The following MICAL2 variants were observed in gnomAD, a reference collection of about 807,000 sequenced individuals.
The protein encoded by MICAL2 is [F-actin]-monooxygenase MICAL2.
Under a neutral mutation model 127.3 loss-of-function variants are expected in MICAL2, and 77 were observed. That is an observed-to-expected ratio of 0.60 (90% CI 0.50 to 0.73). The LOEUF is 0.73. Among genes scored for constraint, MICAL2 ranks in the 30% least tolerant of loss-of-function variants. The probability of loss-of-function intolerance (pLI) is 0.00; values close to 1 mark genes in which losing one functional copy is unlikely to be tolerated. For synonymous variants in MICAL2, 570 were observed against 551.1 expected (o/e 1.03, Z -0.48); for missense variants, 1,351 against 1,434.4 (o/e 0.94, Z 0.94).
chr11:12,223,310 A>G (rs1857037417), intron 11 of MICAL2, 101 bp from the exon 12 acceptor site: 4 of 1,013,908 alleles, frequency 3.9e-6, no homozygotes, highest in South Asian at 2.8e-5. Context: ...AGTAGAGGAA[A>G]ATGGTGGCAG....
At chr11:12,142,327 A>G (rs1016360013) in intron 2 of MICAL2, among the ~76,000 whole-genome samples, 2 of 152,220 alleles carry the variant, frequency 1.3e-5, no homozygotes, top group Admixed American at 6.5e-5. Context: ...AGTTGCCGTT[A>G]TTCTGTTTTA....
chr11:12,230,714 T>TCCC lies in MICAL2; in HGVS notation c.1995+3589_1995+3591dup, dbSNP rs35525006. On this transcript the variant is annotated intron_variant, in intron 15 of 27. Coordinates refer to ENST00000683283, the MANE Select transcript of MICAL2 (RefSeq NM_001282663.2). ...TCACTGACGATGTTAAATTCTTCTT[T>TCCC]CCCCCCCCATCTTATTTTCCTGATA... Among the ~76,000 whole-genome samples, 484 of 150,856 alleles carry TCCC rather than the reference T, an allele frequency of 3.2e-3. 3 individuals are homozygous for TCCC. The highest frequency in any genetic ancestry group is 0.011 in the African/African-American group (447 of 40,786).
chr11:12,135,339 C>T (rs1851750292), intron 1 of MICAL2, among the ~76,000 whole-genome samples: 1 of 152,140 alleles, frequency 6.6e-6, no homozygotes, highest in Admixed American at 6.5e-5. Flanking sequence ...ATTTTACATA[C>T]CAGGAAACTG....
At chr11:12,207,347 C>G (rs1489061255) in intron 4 of MICAL2, among the ~76,000 whole-genome samples, 1 of 152,234 alleles carries the variant, frequency 6.6e-6, no homozygotes, top group Non-Finnish European at 1.5e-5. Context: ...GTCAAACCCA[C>G]CAAATACAGA....
At chr11:12,212,520 T>C (rs1042191419) in intron 6 of MICAL2, among the ~76,000 whole-genome samples, 1 of 152,136 alleles carries the variant, frequency 6.6e-6, no homozygotes, top group African/African-American at 2.4e-5. Flanking sequence ...AGAGCTAGAA[T>C]TCCATTTATT....
At chr11:12,239,876 A>C (rs1859626916) in intron 17 of MICAL2, among the ~76,000 whole-genome samples, 1 of 152,264 alleles carries the variant, frequency 6.6e-6, no homozygotes, top group African/African-American at 2.4e-5. Flanking sequence ...CTTTATTTAC[A>C]AAAAACAGGA....
chr11:12,115,803 C>A (rs1849965351), intron 1 of MICAL2, among the ~76,000 whole-genome samples: 1 of 152,094 alleles, frequency 6.6e-6, no homozygotes. Flanking sequence ...AAAAAGAAGA[C>A]TTCTTTCAAC....
intron 4 of MICAL2, 91 bp downstream of exon 4, chr11:12,204,548 T>C (rs1409857055): frequency 7.9e-7 from 1 of 1,273,410 alleles, no homozygotes; most frequent in African/African-American, 1.5e-5. Context: ...CCCAGCTTGT[T>C]CCATCTTAGT....
At chr11:12,264,111 C>A (rs543045052), downstream of MICAL2, among the ~76,000 whole-genome samples, 1 of 152,136 alleles carries the variant, frequency 6.6e-6, no homozygotes, top group African/African-American at 2.4e-5. Flanking sequence ...GCTACCTTTA[C>A]CCGTTTCCCC....
At chr11:12,293,644 C>G (rs1172139211), downstream of MICAL2, 1 of 1,614,054 alleles carries the variant, frequency 6.2e-7, no homozygotes, top group Non-Finnish European at 8.5e-7. Context: ...GAGCCGTAGC[C>G]CAAGGAGCAC....
intron 1 of MICAL2, chr11:12,117,031 C>T (rs1308933274): frequency 6.6e-6 from 1 of 152,196 alleles, no homozygotes; most frequent in Non-Finnish European, 1.5e-5. Flanking sequence ...CTTCCTCTTT[C>T]TCTCAAATCC....
chr11:12,122,844 T>G (rs937680926), intron 1 of MICAL2, among the ~76,000 whole-genome samples: 7 of 152,180 alleles, frequency 4.6e-5, no homozygotes, highest in Admixed American at 3.9e-4. Context: ...GGGAGAGCCT[T>G]ATCATCAATC....
rs552153803 is a variant in MICAL2 at position 12,226,047 on chromosome 11, C to T, written c.1689-124C>T. On this transcript the variant is annotated intron_variant, in intron 13 of 27. Transcript: ENST00000683283. Reference sequence around the variant, plus strand: ...GTAGGGGCTGGGGTCACTATTCCTCCCCTGTAACCTGCCGACACCTGGCAG... The same window carrying T: ...GTAGGGGCTGGGGTCACTATTCCTCTCCTGTAACCTGCCGACACCTGGCAG... The T allele has an allele frequency of 3.8e-5, 33 of 875,512 alleles. No homozygotes were observed. The South Asian group carries it at 5.0e-4, about 13-fold the overall frequency. The allele number at this position is 875,512 out of a possible 1,614,324, so 54.2% of individuals were successfully genotyped here. A position where few individuals can be genotyped will look rare whatever the true frequency, so the allele number is the denominator to read the frequency against.
downstream of MICAL2, chr11:12,292,143 G>C: frequency 6.2e-7 from 1 of 1,613,344 alleles, no homozygotes; most frequent in Non-Finnish European, 8.5e-7. Flanking sequence ...TCCTTGGTAG[G>C]TTTGACGCCA....
rs558356817 is a variant in MICAL2, at chr11:12,235,719, C to A, written c.1996-458C>A. Among the ~76,000 whole-genome samples, 4 of 152,256 alleles carry A rather than the reference C, an allele frequency of 2.6e-5. No individual in the cohort carries two copies. In the East Asian group the frequency reaches 7.7e-4, roughly 29 times the overall value. Reference sequence around the variant, plus strand: ...GTCACCTTCTTGTAGGAGAGAGGCTCCCTGGGTGCAGAGAGACCCCAGCTG... The same window carrying A: ...GTCACCTTCTTGTAGGAGAGAGGCTACCTGGGTGCAGAGAGACCCCAGCTG... On this transcript the variant is annotated intron_variant, in intron 15 of 27. Coordinates refer to ENST00000683283, the MANE Select transcript of MICAL2 (RefSeq NM_001282663.2).
intron 1 of MICAL2, among the ~76,000 whole-genome samples, chr11:12,135,943 A>G (rs574233795): frequency 6.6e-6 from 1 of 152,246 alleles, no homozygotes; most frequent in Admixed American, 6.5e-5. Context: ...AGTGCATTGA[A>G]ACTCTGAGTT....
intron 2 of MICAL2, chr11:12,281,201 C>T (rs985899133): frequency 3.8e-5 from 15 of 398,072 alleles, no homozygotes; most frequent in South Asian, 1.3e-4. Flanking sequence ...CAGGAAGCCT[C>T]GCCCTCAGGC....
intron 34 of MICAL2, among the ~76,000 whole-genome samples, chr11:12,356,263 C>T (rs1191802694): frequency 6.6e-6 from 1 of 152,182 alleles, no homozygotes. Flanking sequence ...TGCATCCTCC[C>T]ACTGATTAGC....
intron 24 of MICAL2, among the ~76,000 whole-genome samples, chr11:12,258,192 A>G (rs558796794): frequency 7.4e-4 from 112 of 152,270 alleles, no homozygotes; most frequent in African/African-American, 2.6e-3. Context: ...ATGCCACCCT[A>G]CGGGAGCCGG....
Sources: allele counts gnomAD v4.1 joint callset (sites outside exome capture counted in the v4.1 genomes callset), GRCh38; gene constraint gnomAD v4.1.1; transcripts MANE v1.5; gene names NCBI Gene and HGNC (gene_info 2026-07-23, HGNC 2026-07-21).